Variants in TDRD6 observed in about 807,000 individuals in gnomAD.
TDRD6 encodes tudor domain containing 6, also known as tudor domain-containing protein 6.
A neutral mutation model predicts 157.5 loss-of-function variants in TDRD6; 186 were observed. That is an observed-to-expected ratio of 1.18 (90% confidence interval 1.05 to 1.33). The LOEUF is 1.33. Among genes scored for constraint, TDRD6 ranks in the 40% most tolerant of loss-of-function variants. The probability of loss-of-function intolerance (pLI) is 0.00; values close to 1 mark genes in which losing one functional copy is unlikely to be tolerated. For missense variants in TDRD6, 3,066 were observed against 2,508.0 expected, an observed-to-expected ratio of 1.22 and a Z score of -4.75; for synonymous variants, 1,075 against 945.2, an observed-to-expected ratio of 1.14 and a Z score of -2.52.
intron 1 of TDRD6, among the ~76,000 whole-genome samples, 177 bp from the exon 2 acceptor site, chr6:46,695,644 G>C (rs1417781326): frequency 6.6e-6 from 1 of 151,956 alleles, no homozygotes; most frequent in Non-Finnish European, 1.5e-5. Context: ...GATTATATGG[G>C]GGGGCGGGCA....
chr6:46,688,540 G>T lies in TDRD6; in HGVS notation c.412G>T (p.Gly138Cys). The T allele has an allele frequency of 6.3e-7, 1 of 1,575,874 alleles. No homozygotes were observed. ...GCVLAGLVPAGCGAGSGEPPQ... is the reference protein window; with the variant it reads ...GCVLAGLVPACCGAGSGEPPQ... ...CGTGCTAGCGGGCCTGGTGCCGGCA[G>T]GCTGCGGCGCGGGCTCAGGCGAGCC... The change falls in exon 1 of 4, where the codon GGC becomes TGC. Residue 138 changes from glycine (G) to cysteine (C), a missense_variant. Transcript: ENST00000316081.
intron 3 of TDRD6, among the ~76,000 whole-genome samples, chr6:46,700,708 C>G (rs1018318983): frequency 6.6e-6 from 1 of 152,108 alleles, no homozygotes. Flanking sequence ...GTCCCTCCCT[C>G]CTTCACCAAT....
chr6:46,694,110 GT>G lies in TDRD6; in HGVS notation c.5984del (p.Phe1995SerfsTer30). On this transcript the variant is annotated frameshift_variant, in exon 1 of 4. Coordinates refer to ENST00000316081, the MANE Select transcript of TDRD6 (RefSeq NM_001010870.3). LOFTEE classifies it high-confidence loss of function. ...RDAISALMPL[F>X]SEEESSDGSK... The stretch of plus-strand genomic sequence containing the variant: ...ATGCCATTTCGGCATTGATGCCTTT[GT>G]TCTCTGAGGAAGAAAGCAGTGATGG... 2 of 1,604,716 alleles carry G rather than the reference GT, an allele frequency of 1.2e-6. No individual in the cohort carries two copies. The highest frequency in any genetic ancestry group is 1.7e-6 in the Non-Finnish European group (2 of 1,175,736).
In TDRD6 at chr6:46,692,730, T is replaced by C. The variant is rs773498162; in HGVS notation, c.4602T>C (p.Phe1534=). The change falls in exon 1 of 4, where the codon TTT becomes TTC. Residue 1534 remains phenylalanine (F), a synonymous_variant. Coordinates refer to ENST00000316081, the MANE Select transcript of TDRD6 (RefSeq NM_001010870.3). ...YATVIDGPEY[F]WCQFADTEKL... Reference sequence around the variant, plus strand: ...CTGTGATAGATGGACCTGAGTACTTTTGGTGTCAGTTTGCTGATACGGAGA... The same window carrying C: ...CTGTGATAGATGGACCTGAGTACTTCTGGTGTCAGTTTGCTGATACGGAGA... 1.9e-6 allele frequency: 3 copies of C among 1,614,138 alleles called. No homozygotes were observed. Among genetic ancestry groups the C allele is most frequent in the East Asian group, 4.5e-5 (2 of 44,870 alleles).
At chr6:46,687,849 G>A (rs188847367), upstream of TDRD6, 53 of 397,544 alleles carry the variant, frequency 1.3e-4, no homozygotes, top group Middle Eastern at 1.3e-3. Context: ...CCCACTCTCC[G>A]CGGCCGGAAG....
chr6:46,692,271 CCTT>C lies in TDRD6; in HGVS notation c.4146_4148del (p.Leu1383del), dbSNP rs777282142. On this transcript the variant is annotated inframe_deletion, in exon 1 of 4. Transcript: ENST00000316081. ...TGATCAAGGAGCAACAACCCAATGACCTTCTCTCTGTGCAGTTTATAGATTATG... is the reference window on the plus strand; with the variant it reads ...TGATCAAGGAGCAACAACCCAATGACCTCTCTGTGCAGTTTATAGATTATG... The C allele has an allele frequency of 6.2e-6, 10 of 1,613,896 alleles. No individual in the cohort carries two copies. The African/African-American group carries it at 8.0e-5, about 13-fold the overall frequency.
chr6:46,687,902 C>T lies in TDRD6; in HGVS notation c.-227C>T, dbSNP rs1044748359. 1.7e-6 allele frequency: 1 copy of T among 591,760 alleles called. No homozygotes were observed. Among genetic ancestry groups the T allele is most frequent in the Non-Finnish European group, 2.7e-6 (1 of 374,114 alleles). The allele number at this position is 591,760 out of a possible 1,614,324, so 36.7% of individuals were successfully genotyped here. ...GTAAATGCGTGCCCGGAAGCGCGAC[C>T]TCGGGCGGTTGGAGGGGCTACCGGG... On this transcript the variant is annotated 5_prime_UTR_variant, in exon 1 of 4. Transcript: ENST00000316081.
intron 2 of TDRD6, among the ~76,000 whole-genome samples, chr6:46,696,514 T>G (rs1335552778): frequency 7.0e-6 from 1 of 142,534 alleles, no homozygotes; most frequent in Non-Finnish European, 1.5e-5. Flanking sequence ...TATATATGTA[T>G]ATATATGTGT....
chr6:46,696,255 A>C, intron 2 of TDRD6, among the ~76,000 whole-genome samples: 1 of 151,854 alleles, frequency 6.6e-6, no homozygotes, highest in Admixed American at 6.6e-5. Context: ...TAGTTGAGTC[A>C]TTTCACAACT....
At position 46,689,939 on chromosome 6, in the gene TDRD6, A is replaced by G; in HGVS notation, c.1811A>G (p.Asp604Gly). ...TTGGCTGTGAAGTGCACCCTGGCTGATATTTGGCCTTTGGGAAAAACTTGG... is the reference window on the plus strand; with the variant it reads ...TTGGCTGTGAAGTGCACCCTGGCTGGTATTTGGCCTTTGGGAAAAACTTGG... ...PILAVKCTLA[D>G]IWPLGKTWSQ... The change falls in exon 1 of 4, where the codon GAT becomes GGT. Residue 604 changes from aspartate (D) to glycine (G), a missense_variant. Asp to Gly is a moderately conservative substitution (Grantham distance 94). Coordinates refer to ENST00000316081, the MANE Select transcript of TDRD6 (RefSeq NM_001010870.3). 3 of 1,614,072 alleles carry G rather than the reference A, an allele frequency of 1.9e-6. No homozygotes were observed. The highest frequency in any genetic ancestry group is 2.5e-6 in the Non-Finnish European group (3 of 1,179,998).
rs749057707 is a variant in TDRD6, at chr6:46,690,041, A to T, written c.1913A>T (p.Asp638Val). 1.2e-6 allele frequency: 2 copies of T among 1,614,056 alleles called. No homozygotes were observed. The highest frequency in any genetic ancestry group is 1.7e-6 in the Non-Finnish European group (2 of 1,180,000). ...GTCATCCATATTCTTGATAAACAGG[A>T]TCATCAATATGTTATTGAGATTCTT... Reference protein sequence around the residue: ...ELVIHILDKQDHQYVIEILDE... With the variant: ...ELVIHILDKQVHQYVIEILDE... The change falls in exon 1 of 4, where the codon GAT becomes GTT. Residue 638 changes from aspartate to valine, a missense_variant. By Grantham distance (152) the Asp-to-Val change is radical. Coordinates refer to ENST00000316081, the MANE Select transcript of TDRD6 (RefSeq NM_001010870.3).
chr6:46,689,116 C>T lies in TDRD6; in HGVS notation c.988C>T (p.Leu330=). The change falls in exon 1 of 4, where the codon CTG becomes TTG. Residue 330 remains leucine (L), a synonymous_variant. Coordinates refer to ENST00000316081, the MANE Select transcript of TDRD6 (RefSeq NM_001010870.3). ...CGLDGHWYRA[L]LLETFRPQRC... ...CCTGGATGGACATTGGTACAGAGCACTGTTGCTTGAGACTTTTCGGCCCCA... is the reference window on the plus strand; with the variant it reads ...CCTGGATGGACATTGGTACAGAGCATTGTTGCTTGAGACTTTTCGGCCCCA... 5 of 1,614,128 alleles carry T rather than the reference C, an allele frequency of 3.1e-6. No homozygotes were observed. The South Asian group carries it at 4.4e-5, about 14-fold the overall frequency.
Position 46,687,920 on chromosome 6 carries a change from C to T in TDRD6, c.-209C>T, listed in dbSNP as rs1582537334. On this transcript the variant is annotated 5_prime_UTR_variant, in exon 1 of 4. Coordinates refer to ENST00000316081, the MANE Select transcript of TDRD6 (RefSeq NM_001010870.3). The stretch of plus-strand genomic sequence containing the variant: ...GCGCGACCTCGGGCGGTTGGAGGGG[C>T]TACCGGGTCTTACCAGTCCGTGGCG... 1.4e-6 allele frequency: 1 copy of T among 714,118 alleles called. No individual in the cohort carries two copies. The highest frequency in any genetic ancestry group is 3.5e-5 in the East Asian group (1 of 28,974). The allele number at this position is 714,118 out of a possible 1,614,324, so 44.2% of individuals were successfully genotyped here.
Position 46,692,543 on chromosome 6 carries a change from A to T in TDRD6, c.4415A>T (p.Asp1472Val), listed in dbSNP as rs1464753098. Residue 1472 changes from aspartate to valine, a missense_variant, in exon 1 of 4, where the codon GAT becomes GTT. Transcript: ENST00000316081. ...LADEHGIIAD[D>V]MISRYALSEK... ...GATGAACATGGGATCATAGCAGATG[A>T]TATGATTAGCAGGTATGCTCTCAGT... 6.2e-7 allele frequency: 1 copy of T among 1,613,908 alleles called. No individual in the cohort carries two copies. The highest frequency in any genetic ancestry group is 1.1e-5 in the South Asian group (1 of 91,086).
chr6:46,680,621 A>G, the TDRD6 span, among the ~76,000 whole-genome samples: 3 of 152,084 alleles, frequency 2.0e-5, no homozygotes, highest in Non-Finnish European at 4.4e-5. Context: ...CTCACCTTCA[A>G]TTTCTCCTAT....
Position 46,691,540 on chromosome 6 carries a change from A to G in TDRD6, c.3412A>G (p.Ile1138Val), listed in dbSNP as rs767415862. The G allele has an allele frequency of 8.1e-6, 13 of 1,613,928 alleles. No homozygotes were observed. The highest frequency in any genetic ancestry group is 1.0e-5 in the Non-Finnish European group (12 of 1,179,858). ...VVAKDPDGTL[I>V]IELYGDNIQI... ...AGCAAAAGATCCAGATGGAACACTGATTATAGAACTATATGGTGACAATAT... is the reference window on the plus strand; with the variant it reads ...AGCAAAAGATCCAGATGGAACACTGGTTATAGAACTATATGGTGACAATAT... Residue 1138 changes from isoleucine (I) to valine (V), a missense_variant, in exon 1 of 4, where the codon ATT becomes GTT. Ile to Val is a conservative substitution (Grantham distance 29). Coordinates refer to ENST00000316081, the MANE Select transcript of TDRD6 (RefSeq NM_001010870.3).
rs1339195316 is a variant in TDRD6, at chr6:46,702,302, A to G, written c.*415A>G. ...GCTTTTTAGCAGGATCTCCTTCAGA[A>G]TTTTTGTCTTGACTTTGAATCTTTG... On this transcript the variant is annotated 3_prime_UTR_variant, in exon 4 of 4. Transcript: ENST00000316081. 6.5e-6 allele frequency: 1 copy of G among 153,488 alleles called. No homozygotes were observed. Among genetic ancestry groups the G allele is most frequent in the Non-Finnish European group, 1.4e-5 (1 of 69,004 alleles). 9.5% of individuals were successfully genotyped at this position (153,488 alleles called of 1,614,324 possible).
Position 46,693,857 on chromosome 6 carries a change from C to G in TDRD6, c.5729C>G (p.Pro1910Arg), listed in dbSNP as rs1582548343. The part of the protein sequence containing the change: ...EAEKQPELEL[P>R]TAQLPLDDKM... ...GAGAAACAGCCAGAACTAGAACTACCTACAGCCCAGCTGCCTTTAGATGAC... is the reference window on the plus strand; with the variant it reads ...GAGAAACAGCCAGAACTAGAACTACGTACAGCCCAGCTGCCTTTAGATGAC... Residue 1910 changes from proline (P) to arginine (R), a missense_variant, in exon 1 of 4, where the codon CCT becomes CGT. By Grantham distance (103) the Pro-to-Arg change is moderately radical. Transcript: ENST00000316081. 2 of 1,614,132 alleles carry G rather than the reference C, an allele frequency of 1.2e-6. No homozygotes were observed. The highest frequency in any genetic ancestry group is 1.7e-5 in the Admixed American group (1 of 60,016).
intron 3 of TDRD6, among the ~76,000 whole-genome samples, chr6:46,698,938 A>G (rs1233998259): frequency 1.3e-5 from 2 of 152,128 alleles, no homozygotes; most frequent in Non-Finnish European, 2.9e-5. Context: ...TTTAGTTTTC[A>G]AAGCCTTTGT....
Sources: gnomAD v4.1 joint callset for allele counts (sites outside exome capture counted in the v4.1 genomes callset) on GRCh38, gnomAD v4.1.1 for gene constraint, MANE v1.5 for transcripts, NCBI Gene and HGNC (gene_info 2026-07-23, HGNC 2026-07-21) for gene names.